The following TMCO5A variants were observed in gnomAD, a reference collection of about 807,000 sequenced individuals.
The protein encoded by TMCO5A is transmembrane and coiled-coil domain-containing protein 5A.
Under a neutral mutation model 42.3 loss-of-function variants are expected in TMCO5A, and 34 were observed. The ratio of observed to expected loss-of-function variants is 0.80; its 90% CI spans 0.61 to 1.07. TMCO5A has a LOEUF of 1.07. Ranked by LOEUF, TMCO5A falls within the 50% of genes least tolerant of loss-of-function variation. The pLI is 0.00. For missense variants in TMCO5A, 357 were observed against 327.9 expected, an observed-to-expected ratio of 1.09 and a Z score of -0.69; for synonymous variants, 131 against 115.6, an observed-to-expected ratio of 1.13 and a Z score of -0.86.
chr15:37,941,546 A>C, intron 7 of TMCO5A, 125 bp from the exon 8 acceptor site: 1 of 780,796 alleles, frequency 1.3e-6, no homozygotes, highest in South Asian at 1.6e-5. Context: ...ACAGCAAAAA[A>C]GAAAACATAT....
chr15:38,021,567 G>C, the TMCO5A span, among the ~76,000 whole-genome samples: 4 of 152,028 alleles, frequency 2.6e-5, no homozygotes, highest in Non-Finnish European at 5.9e-5. Context: ...TTAGTAATAA[G>C]TTTTAGCTAT....
At chr15:37,943,658 A>G (rs1277188984) in intron 10 of TMCO5A, 4 of 433,608 alleles carry the variant, frequency 9.2e-6, no homozygotes, top group Non-Finnish European at 1.7e-5. Context: ...CTCAGAATGG[A>G]GGCAAGAAGC....
the TMCO5A span, among the ~76,000 whole-genome samples, chr15:38,037,015 TAA>T: frequency 7.2e-3 from 1,103 of 152,142 alleles, 11 homozygotes; most frequent in African/African-American, 0.024. Flanking sequence ...CAGAGACACT[TAA>T]AAAAGGGGGA....
chr15:37,936,525 C>T (rs1332896462), intron 3 of TMCO5A, 62 bp downstream of exon 3: 4 of 1,548,468 alleles, frequency 2.6e-6, no homozygotes, highest in Non-Finnish European at 2.6e-6. Context: ...GGACCAAAAC[C>T]AAAACTGAAT....
At chr15:37,936,011 C>G in intron 2 of TMCO5A, 1 of 200,222 alleles carries the variant, frequency 5.0e-6, no homozygotes. Context: ...AGAAACATTT[C>G]TCCCCAGCGC....
At chr15:37,937,518 C>A in intron 5 of TMCO5A, 122 bp downstream of exon 5, 1 of 971,218 alleles carries the variant, frequency 1.0e-6, no homozygotes, top group Non-Finnish European at 1.6e-6. Flanking sequence ...ATGTGGAGTG[C>A]ATATTACTCT....
At chr15:37,970,488 T>C (rs1457430105), downstream of TMCO5A, among the ~76,000 whole-genome samples, 2 of 152,194 alleles carry the variant, frequency 1.3e-5, no homozygotes, top group African/African-American at 4.8e-5. Context: ...ATTCTGCCTC[T>C]GGCCCGTCCC....
intron 7 of TMCO5A, among the ~76,000 whole-genome samples, chr15:37,941,424 G>T (rs182618832): frequency 6.6e-6 from 1 of 151,514 alleles, no homozygotes; most frequent in Admixed American, 6.6e-5. Context: ...TTTGTATCTC[G>T]CAAATATTAG....
chr15:37,997,085 T>C, the TMCO5A span, among the ~76,000 whole-genome samples: 1 of 152,168 alleles, frequency 6.6e-6, no homozygotes, highest in Non-Finnish European at 1.5e-5. Flanking sequence ...AGATGGCATG[T>C]AGGATAACTA....
At chr15:37,951,460 T>C, downstream of TMCO5A, 1 of 473,608 alleles carries the variant, frequency 2.1e-6, no homozygotes. Flanking sequence ...TAGTACTTGA[T>C]AGTAAACAAA....
At chr15:37,936,562 C>A in intron 3 of TMCO5A, 99 bp downstream of exon 3, 1 of 1,419,918 alleles carries the variant, frequency 7.0e-7, no homozygotes, top group Non-Finnish European at 9.5e-7. Context: ...GAGACTTCTA[C>A]CTTGTGTGGC....
chr15:37,951,749 A>T (rs892160080), downstream of TMCO5A, among the ~76,000 whole-genome samples: 3 of 152,154 alleles, frequency 2.0e-5, no homozygotes, highest in African/African-American at 7.2e-5. Flanking sequence ...CTTCAAGGAC[A>T]CCAATTTAAC....
chr15:37,946,292 A>C (rs945225526), intron 10 of TMCO5A, among the ~76,000 whole-genome samples: 1 of 152,172 alleles, frequency 6.6e-6, no homozygotes, highest in African/African-American at 2.4e-5. Flanking sequence ...GAAGTCAGGT[A>C]GCGTGATGAC....
the TMCO5A span, among the ~76,000 whole-genome samples, chr15:37,983,562 C>G: frequency 2.6e-5 from 4 of 152,068 alleles, no homozygotes; most frequent in Non-Finnish European, 5.9e-5. Flanking sequence ...GAACTAGGCA[C>G]CAGAGGGACT....
At chr15:38,038,713 A>G in the TMCO5A span, among the ~76,000 whole-genome samples, 1 of 152,190 alleles carries the variant, frequency 6.6e-6, no homozygotes, top group Non-Finnish European at 1.5e-5. Context: ...GCCTCGGAAG[A>G]TGAAAATTTC....
Position 37,951,131 on chromosome 15 carries a change from T to C in TMCO5A, c.764T>C (p.Val255Ala), listed in dbSNP as rs934028237. 6.2e-7 allele frequency: 1 copy of C among 1,613,732 alleles called. No individual in the cohort carries two copies. The highest frequency in any genetic ancestry group is 8.5e-7 in the Non-Finnish European group (1 of 1,179,886). The change falls in exon 12 of 12, where the codon GTC becomes GCC. Residue 255 changes from valine to alanine, a missense_variant. By Grantham distance (64) the Val-to-Ala change is moderately conservative. Transcript: ENST00000319669. ...HVRFINPDLL[V>A]NVLPKVLGRS... ...AGATTCATAAATCCAGATCTCCTCG[T>C]CAATGTACTGCCCAAGGTACTGGGC...
chr15:38,024,903 T>C, the TMCO5A span: 2 of 152,338 alleles, frequency 1.3e-5, no homozygotes, highest in African/African-American at 2.4e-5. Context: ...GCCTGCCAGG[T>C]AAAGCCAGCT....
chr15:37,947,723 T>A, intron 11 of TMCO5A, 27 bp downstream of exon 11: 1 of 1,529,682 alleles, frequency 6.5e-7, no homozygotes. Context: ...CAGGTAAACT[T>A]CCTATAAAAT....
chr15:38,034,079 C>G, the TMCO5A span, among the ~76,000 whole-genome samples: 1 of 152,170 alleles, frequency 6.6e-6, no homozygotes, highest in South Asian at 2.1e-4. Context: ...CGTTCTGTTT[C>G]TGAGATGGTG....
Sources: allele counts gnomAD v4.1 joint callset (sites outside exome capture counted in the v4.1 genomes callset), GRCh38; gene constraint gnomAD v4.1.1; transcripts MANE v1.5; gene names NCBI Gene and HGNC (gene_info 2026-07-23, HGNC 2026-07-21).